The following TTC23 variants were observed in gnomAD, a reference collection of about 807,000 sequenced individuals.
TTC23 encodes the protein tetratricopeptide repeat protein 23.
Under a neutral mutation model 55.1 loss-of-function variants are expected in TTC23, and 58 were observed. The ratio of observed to expected loss-of-function variants is 1.05; its 90% CI spans 0.85 to 1.31. The LOEUF is 1.31. TTC23 is among the 50% of genes most tolerant of loss of function. TTC23 has a pLI of 0.00. For synonymous variants in TTC23, 203 were observed against 199.9 expected, an observed-to-expected ratio of 1.02 and a Z score of -0.13; for missense variants, 516 against 534.4, an observed-to-expected ratio of 0.97 and a Z score of 0.34.
intron 4 of TTC23, among the ~76,000 whole-genome samples, chr15:99,233,939 G>C (rs138417753): frequency 7.8e-4 from 118 of 152,104 alleles, no homozygotes; most frequent in African/African-American, 2.6e-3. Context: ...AAAGAAGTCT[G>C]CTCAACAAAT....
At chr15:99,211,466 T>C (rs1486917253) in intron 8 of TTC23, among the ~76,000 whole-genome samples, 1 of 152,050 alleles carries the variant, frequency 6.6e-6, no homozygotes, top group Admixed American at 6.6e-5. Flanking sequence ...AAACAAAATG[T>C]AGCCTTCCCA....
At chr15:99,202,497 G>T (rs550982285) in intron 8 of TTC23, among the ~76,000 whole-genome samples, 1 of 152,088 alleles carries the variant, frequency 6.6e-6, no homozygotes, top group South Asian at 2.1e-4. Context: ...GAGCAAAAAA[G>T]AAAACAATAA....
At chr15:99,149,329 G>A (rs1292729762) in intron 12 of TTC23, among the ~76,000 whole-genome samples, 2 of 152,202 alleles carry the variant, frequency 1.3e-5, no homozygotes, top group East Asian at 3.8e-4. Flanking sequence ...TTGGAGCCTG[G>A]CAAACAGGTG....
In TTC23 at chr15:99,155,817, A is replaced by G. The variant is rs1007409343; in HGVS notation, c.1143+331T>C. 1.4e-5 allele frequency: 5 copies of G among 365,046 alleles called. No homozygotes were observed. The East Asian group carries it at 2.0e-4, about 15-fold the overall frequency. The allele number at this position is 365,046 out of a possible 1,614,324, so 22.6% of individuals were successfully genotyped here. ...ACTCCAAATTTAAAGAAGAATGACA[A>G]TTGAAGAAAGTGTAAGAGAATTCCT... On this transcript the variant is annotated intron_variant, in intron 12 of 13. Transcript: ENST00000394132.
intron 12 of TTC23, among the ~76,000 whole-genome samples, chr15:99,148,974 G>A (rs1203873976): frequency 6.6e-5 from 10 of 152,174 alleles, no homozygotes; most frequent in African/African-American, 2.2e-4. Context: ...GGACCATTCA[G>A]TGCAGGAGGG....
chr15:99,165,527 G>A (rs557683070), intron 10 of TTC23, among the ~76,000 whole-genome samples: 3 of 152,350 alleles, frequency 2.0e-5, no homozygotes, highest in Admixed American at 1.3e-4. Flanking sequence ...TGCCAGACAG[G>A]AGCAGGAATT....
intron 12 of TTC23, among the ~76,000 whole-genome samples, chr15:99,146,820 C>G (rs1335971279): frequency 6.6e-6 from 1 of 152,230 alleles, no homozygotes; most frequent in Non-Finnish European, 1.5e-5. Context: ...AGGAGGGTGC[C>G]TTTTCCCCAC....
At chr15:99,213,082 A>G (rs1332757962) in intron 8 of TTC23, among the ~76,000 whole-genome samples, 2 of 152,180 alleles carry the variant, frequency 1.3e-5, no homozygotes. Context: ...GGCAAAAGAA[A>G]AGGCCCTCAT....
At chr15:99,219,852 A>T (rs1481703993) in intron 6 of TTC23, among the ~76,000 whole-genome samples, 1 of 152,178 alleles carries the variant, frequency 6.6e-6, no homozygotes, top group Non-Finnish European at 1.5e-5. Flanking sequence ...TGTATCTTAG[A>T]TCTCTAAAAA....
chr15:99,140,739 G>C (rs1567305934), intron 12 of TTC23: 1 of 147,554 alleles, frequency 6.8e-6, no homozygotes, highest in African/African-American at 2.7e-5. Context: ...GTGAAAGACT[G>C]ATAAAATGTA....
intron 12 of TTC23, among the ~76,000 whole-genome samples, chr15:99,143,908 G>A (rs1377642982): frequency 6.6e-6 from 1 of 152,136 alleles, no homozygotes; most frequent in East Asian, 1.9e-4. Context: ...CATGTAAGCT[G>A]GGGAGATTCT....
At chr15:99,205,250 C>A (rs1011358168) in intron 8 of TTC23, among the ~76,000 whole-genome samples, 2 of 151,728 alleles carry the variant, frequency 1.3e-5, no homozygotes, top group Non-Finnish European at 2.9e-5. Context: ...CAGCTTTGGT[C>A]TTTTTGGTCA....
intron 10 of TTC23, among the ~76,000 whole-genome samples, chr15:99,171,922 C>T (rs116065407): frequency 1.2e-3 from 177 of 152,190 alleles, no homozygotes; most frequent in African/African-American, 3.4e-3. Context: ...AGGCCTAATG[C>T]AGAAGTCACC....
At chr15:99,232,067 C>T (rs1326918266) in intron 4 of TTC23, among the ~76,000 whole-genome samples, 1 of 151,872 alleles carries the variant, frequency 6.6e-6, no homozygotes, top group Non-Finnish European at 1.5e-5. Flanking sequence ...GCTGGGATTA[C>T]AGGCATGAGC....
chr15:99,204,566 G>A (rs899913632), intron 8 of TTC23, among the ~76,000 whole-genome samples: 2 of 147,020 alleles, frequency 1.4e-5, no homozygotes, highest in East Asian at 2.0e-4. Flanking sequence ...TGCCCAGACC[G>A]ATTTCCTGGA....
chr15:99,168,447 T>G (rs2072455991), intron 10 of TTC23, among the ~76,000 whole-genome samples: 1 of 152,218 alleles, frequency 6.6e-6, no homozygotes, highest in Non-Finnish European at 1.5e-5. Flanking sequence ...TTCCTGTTAC[T>G]TGTCTTGGTG....
chr15:99,173,049 G>A (rs962865402), intron 10 of TTC23, among the ~76,000 whole-genome samples: 1 of 152,110 alleles, frequency 6.6e-6, no homozygotes, highest in African/African-American at 2.4e-5. Context: ...GTCAAGTGCT[G>A]GAAACCAGAA....
intron 9 of TTC23, among the ~76,000 whole-genome samples, chr15:99,183,917 C>G (rs558906493): frequency 1.3e-5 from 2 of 152,218 alleles, no homozygotes; most frequent in East Asian, 1.9e-4. Context: ...GGGCCCAGGA[C>G]CCCCCTGCTG....
At chr15:99,187,099 T>C (rs769743117) in intron 9 of TTC23, among the ~76,000 whole-genome samples, 1 of 152,042 alleles carries the variant, frequency 6.6e-6, no homozygotes, top group Non-Finnish European at 1.5e-5. Context: ...GTGATACTGG[T>C]ATAAGGATAA....
Sources: allele counts gnomAD v4.1 joint callset (sites outside exome capture counted in the v4.1 genomes callset), GRCh38; gene constraint gnomAD v4.1.1; transcripts MANE v1.5; gene names NCBI Gene and HGNC (gene_info 2026-07-23, HGNC 2026-07-21).